TMEM132D: variants seen among roughly 807,000 people sequenced by gnomAD.
The protein encoded by TMEM132D is transmembrane protein 132D.
A neutral mutation model predicts 62.3 loss-of-function variants in TMEM132D; 21 were observed. The ratio of observed to expected loss-of-function variants is 0.34; its 90% CI spans 0.24 to 0.49. TMEM132D has a LOEUF of 0.49. Ranked by LOEUF, TMEM132D falls within the 20% of genes least tolerant of loss-of-function variation. The pLI is 0.99. For missense variants in TMEM132D, 1,346 were observed against 1,402.8 expected, an observed-to-expected ratio of 0.96 and a Z score of 0.65; for synonymous variants, 621 against 575.6, an observed-to-expected ratio of 1.08 and a Z score of -1.13.
intron 2 of TMEM132D, among the ~76,000 whole-genome samples, chr12:129,617,881 G>T (rs1460921075): frequency 1.3e-5 from 2 of 152,206 alleles, no homozygotes; most frequent in Non-Finnish European, 1.5e-5. Flanking sequence ...CTAGGGGGAT[G>T]CATATATTCA....
intron 3 of TMEM132D, among the ~76,000 whole-genome samples, chr12:129,477,562 TG>T (rs1483529146): frequency 1.3e-5 from 2 of 152,168 alleles, no homozygotes; most frequent in East Asian, 3.9e-4. Context: ...GGCTCACACC[TG>T]TAATCCCAGC....
chr12:129,434,726 C>T (rs1297946267), intron 3 of TMEM132D, among the ~76,000 whole-genome samples: 1 of 151,920 alleles, frequency 6.6e-6, no homozygotes, highest in African/African-American at 2.4e-5. Context: ...TGTTTGGATA[C>T]ATGCATACTT....
At chr12:129,302,668 C>T (rs901917365) in intron 4 of TMEM132D, among the ~76,000 whole-genome samples, 1 of 152,216 alleles carries the variant, frequency 6.6e-6, no homozygotes, top group Non-Finnish European at 1.5e-5. Flanking sequence ...GCCACTGGAG[C>T]GTATTTTTCT....
At chr12:129,322,598 C>A (rs1354642891) in intron 4 of TMEM132D, among the ~76,000 whole-genome samples, 1 of 151,794 alleles carries the variant, frequency 6.6e-6, no homozygotes, top group East Asian at 1.9e-4. Flanking sequence ...AAGGCAAATT[C>A]CTTTAAATCC....
intron 4 of TMEM132D, among the ~76,000 whole-genome samples, chr12:129,229,666 T>G (rs1379437694): frequency 6.6e-6 from 1 of 152,236 alleles, no homozygotes; most frequent in African/African-American, 2.4e-5. Flanking sequence ...CATAGAAAAT[T>G]GATAAACATC....
At chr12:129,597,927 G>A (rs868568836) in intron 2 of TMEM132D, among the ~76,000 whole-genome samples, 1 of 151,874 alleles carries the variant, frequency 6.6e-6, no homozygotes. Flanking sequence ...ATTCAAACAG[G>A]AGTTTAAAAA....
chr12:129,272,223 G>A (rs1175603775), intron 4 of TMEM132D, among the ~76,000 whole-genome samples: 3 of 151,812 alleles, frequency 2.0e-5, no homozygotes, highest in Admixed American at 2.0e-4. Flanking sequence ...GGCACTTGCT[G>A]GGAATGCAGG....
chr12:129,584,520 T>G (rs2137129426), intron 2 of TMEM132D, among the ~76,000 whole-genome samples: 1 of 152,314 alleles, frequency 6.6e-6, no homozygotes, highest in East Asian at 1.9e-4. Flanking sequence ...GCCATGTGAC[T>G]TGCTTTGGCC....
At chr12:129,894,858 C>T (rs1875052058) in intron 1 of TMEM132D, among the ~76,000 whole-genome samples, 2 of 152,176 alleles carry the variant, frequency 1.3e-5, no homozygotes, top group Non-Finnish European at 2.9e-5. Flanking sequence ...TCTCGTACCT[C>T]CCAAGTCAGC....
chr12:129,659,182 G>A (rs540822430), intron 2 of TMEM132D, among the ~76,000 whole-genome samples: 1 of 152,220 alleles, frequency 6.6e-6, no homozygotes, highest in East Asian at 1.9e-4. Context: ...AGCTGCCCCA[G>A]ATGATGCCAC....
chr12:129,245,469 T>G (rs961807102), intron 4 of TMEM132D, among the ~76,000 whole-genome samples: 8 of 152,230 alleles, frequency 5.3e-5, no homozygotes, highest in Admixed American at 2.6e-4. Flanking sequence ...AAGGGACATC[T>G]TGGTTGCTTC....
At chr12:129,471,482 C>T (rs1222828342) in intron 3 of TMEM132D, among the ~76,000 whole-genome samples, 2 of 152,132 alleles carry the variant, frequency 1.3e-5, no homozygotes, top group African/African-American at 4.8e-5. Context: ...CTCCACCAAC[C>T]AGCTGTTCCT....
At chr12:129,237,191 C>T (rs1197746792) in intron 4 of TMEM132D, among the ~76,000 whole-genome samples, 2 of 151,978 alleles carry the variant, frequency 1.3e-5, no homozygotes, top group Non-Finnish European at 2.9e-5. Context: ...GTTTTCTTTG[C>T]TTGTAGTAGT....
intron 1 of TMEM132D, among the ~76,000 whole-genome samples, chr12:129,824,987 G>C (rs145605621): frequency 6.7e-6 from 1 of 150,244 alleles, no homozygotes; most frequent in African/African-American, 2.5e-5. Context: ...TGCTCACTTC[G>C]TTCCTTTAAC....
At chr12:129,282,039 T>C (rs1319636517) in intron 4 of TMEM132D, among the ~76,000 whole-genome samples, 1 of 152,140 alleles carries the variant, frequency 6.6e-6, no homozygotes, top group African/African-American at 2.4e-5. Flanking sequence ...TATAGGTTTC[T>C]CCTAAGAATA....
chr12:129,362,184 A>T (rs78782733), intron 3 of TMEM132D, among the ~76,000 whole-genome samples: 1 of 152,120 alleles, frequency 6.6e-6, no homozygotes, highest in Admixed American at 6.5e-5. Flanking sequence ...GTTCCCAATC[A>T]AATCTTGTTG....
chr12:129,173,351 G>A (rs780587246), intron 5 of TMEM132D, among the ~76,000 whole-genome samples: 7 of 152,158 alleles, frequency 4.6e-5, no homozygotes, highest in African/African-American at 1.2e-4. Flanking sequence ...GATATGATAC[G>A]TTGTACTCCC....
intron 1 of TMEM132D, among the ~76,000 whole-genome samples, chr12:129,795,629 G>A (rs1871540733): frequency 6.6e-6 from 1 of 152,144 alleles, no homozygotes; most frequent in South Asian, 2.1e-4. Context: ...CAGACACCGT[G>A]TGTAATGTGG....
chr12:129,072,825 A>T lies in TMEM132D; in HGVS notation c.*1050T>A, dbSNP rs984159544. The T allele has an allele frequency of 4.6e-5, 7 of 152,158 alleles. No individual in the cohort carries two copies. Among genetic ancestry groups the T allele is most frequent in the Admixed American group, 2.0e-4 (3 of 15,282 alleles). The allele number at this position is 152,158 out of a possible 1,614,324, so 9.4% of individuals were successfully genotyped here. Reference sequence around the variant, plus strand: ...TGTTTTCTTTCTAGTAAAGCAAGGGAATGTATATCCCCTGGTATGGAATTC... The same window carrying T: ...TGTTTTCTTTCTAGTAAAGCAAGGGTATGTATATCCCCTGGTATGGAATTC... On this transcript the variant is annotated 3_prime_UTR_variant, in exon 9 of 9. Transcript: ENST00000422113.
Sources: gnomAD v4.1 joint callset for allele counts (sites outside exome capture counted in the v4.1 genomes callset) on GRCh38, gnomAD v4.1.1 for gene constraint, MANE v1.5 for transcripts, NCBI Gene and HGNC (gene_info 2026-07-23, HGNC 2026-07-21) for gene names.